EXOC6B: variants seen among roughly 807,000 people sequenced by gnomAD.
EXOC6B encodes SEC15 homolog B.
A neutral mutation model predicts 113.5 loss-of-function variants in EXOC6B; 54 were observed. That is an observed-to-expected ratio of 0.48 (90% CI 0.38 to 0.60). The LOEUF is 0.60. Ranked by LOEUF, EXOC6B falls within the 20% of genes least tolerant of loss-of-function variation. The pLI, the probability that EXOC6B is intolerant of heterozygous loss-of-function variation, is 0.00. For synonymous variants in EXOC6B, 357 were observed against 339.0 expected, an observed-to-expected ratio of 1.05 and a Z score of -0.58; for missense variants, 797 against 977.5, an observed-to-expected ratio of 0.82 and a Z score of 2.46.
chr2:72,597,651 A>C (rs1053809896), intron 6 of EXOC6B, among the ~76,000 whole-genome samples: 1 of 151,996 alleles, frequency 6.6e-6, no homozygotes, highest in African/African-American at 2.4e-5. Flanking sequence ...AGATGGAAAG[A>C]GTGGATAAAA....
intron 19 of EXOC6B, among the ~76,000 whole-genome samples, chr2:72,379,096 G>A (rs2105060366): frequency 6.6e-6 from 1 of 152,282 alleles, no homozygotes; most frequent in Non-Finnish European, 1.5e-5. Context: ...TGTCTTGAAT[G>A]TGGGTCTCTT....
chr2:72,631,612 C>T (rs762040424), intron 6 of EXOC6B, among the ~76,000 whole-genome samples: 4 of 151,600 alleles, frequency 2.6e-5, no homozygotes, highest in African/African-American at 7.3e-5. Context: ...TCCAGTGCTC[C>T]GCCTACCTCA....
In EXOC6B at chr2:72,686,994, C is replaced by T. The variant is rs368901049; in HGVS notation, c.669+31109G>A. On this transcript the variant is annotated intron_variant, in intron 6 of 21. Transcript: ENST00000272427. ...TCTACTAAAAAGACAAAAAATTAGC[C>T]GGGCGTGGTGGCGGGCGCCTGTAGT... 1.8e-4 allele frequency among the ~76,000 whole-genome samples: 27 copies of T among 151,952 alleles called. 2 individuals are homozygous for T. The highest frequency in any genetic ancestry group is 4.8e-4 in the African/African-American group (20 of 41,472).
intron 6 of EXOC6B, among the ~76,000 whole-genome samples, chr2:72,641,840 T>A (rs912994012): frequency 2.0e-5 from 3 of 152,104 alleles, no homozygotes; most frequent in African/African-American, 7.2e-5. Flanking sequence ...TACAGGAGGG[T>A]ACCCCTCTGG....
At position 72,575,552 on chromosome 2, in the gene EXOC6B, A is replaced by C. The variant is rs201028075; in HGVS notation, c.786T>G (p.Ser262Arg). Residue 262 changes from serine to arginine, a missense_variant, in exon 7 of 22, where the codon AGT (serine) becomes AGG (arginine). By Grantham distance (110) the Ser-to-Arg change is moderately radical (BLOSUM62 -1). Transcript: ENST00000272427. ...IIFDTEIESTSPKSEQDSGIL... is the reference protein window; with the variant it reads ...IIFDTEIESTRPKSEQDSGIL... Reference sequence around the variant, plus strand: ...TTCCTGAATCCTGTTCAGACTTCGGACTAGTACTTTCTATCTCTGTATCAA... The same window carrying C: ...TTCCTGAATCCTGTTCAGACTTCGGCCTAGTACTTTCTATCTCTGTATCAA... 4.9e-4 allele frequency: 782 copies of C among 1,611,842 alleles called. No individual in the cohort carries two copies. The highest frequency in any genetic ancestry group is 4.4e-4 in the Non-Finnish European group (516 of 1,179,104).
intron 6 of EXOC6B, among the ~76,000 whole-genome samples, chr2:72,606,018 A>G (rs1048924665): frequency 6.6e-6 from 1 of 152,196 alleles, no homozygotes; most frequent in Non-Finnish European, 1.5e-5. Flanking sequence ...ATACAAAGCT[A>G]TATTTACTAT....
At chr2:72,751,972 T>A (rs1176808724) in intron 1 of EXOC6B, among the ~76,000 whole-genome samples, 1 of 152,136 alleles carries the variant, frequency 6.6e-6, no homozygotes, top group Non-Finnish European at 1.5e-5. Flanking sequence ...CTTCTCTTCA[T>A]AGCTAAACTT....
chr2:72,809,252 T>C (rs1390152326), intron 1 of EXOC6B, among the ~76,000 whole-genome samples: 1 of 152,128 alleles, frequency 6.6e-6, no homozygotes, highest in African/African-American at 2.4e-5. Context: ...TAAATGTAAA[T>C]GGTTTAAATA....
At chr2:72,447,800 G>A (rs626469) in intron 18 of EXOC6B, among the ~76,000 whole-genome samples, 11,170 of 152,020 alleles carry the variant, frequency 0.073, 514 homozygotes, top group African/African-American at 0.13. Context: ...TGAATTGGGG[G>A]ATCCAATTAT....
intron 19 of EXOC6B, 40 bp downstream of exon 19, chr2:72,379,689 C>G (rs184026484): frequency 2.6e-6 from 4 of 1,546,418 alleles, no homozygotes; most frequent in Admixed American, 1.9e-5. Flanking sequence ...AATGAGTTTG[C>G]TGGTAAGATA....
chr2:72,591,962 A>G (rs1705997190), intron 6 of EXOC6B, among the ~76,000 whole-genome samples: 1 of 152,118 alleles, frequency 6.6e-6, no homozygotes, highest in Admixed American at 6.5e-5. Flanking sequence ...CCATGTATTG[A>G]AAGAATAGTT....
intron 8 of EXOC6B, among the ~76,000 whole-genome samples, chr2:72,522,361 C>A: frequency 6.6e-6 from 1 of 152,084 alleles, no homozygotes; most frequent in East Asian, 1.9e-4. Flanking sequence ...AATAATTAAT[C>A]CTATCACTGG....
intron 18 of EXOC6B, among the ~76,000 whole-genome samples, chr2:72,405,111 T>C (rs1043209665): frequency 1.3e-5 from 2 of 152,020 alleles, no homozygotes; most frequent in African/African-American, 2.4e-5. Flanking sequence ...GTATCAGTGA[T>C]GGAAGATGAA....
At chr2:72,805,328 T>C (rs1313136304) in intron 1 of EXOC6B, among the ~76,000 whole-genome samples, 1 of 152,212 alleles carries the variant, frequency 6.6e-6, no homozygotes, top group East Asian at 1.9e-4. Flanking sequence ...GATCATGTTG[T>C]CCAAAGCATG....
At chr2:72,616,200 C>T (rs1424516125) in intron 6 of EXOC6B, among the ~76,000 whole-genome samples, 1 of 151,994 alleles carries the variant, frequency 6.6e-6, no homozygotes, top group Admixed American at 6.6e-5. Context: ...GGACGTACTA[C>T]CCAAAGTGAC....
chr2:72,825,536 G>A lies in EXOC6B; in HGVS notation c.113+262C>T, dbSNP rs1025695932. Among the ~76,000 whole-genome samples the A allele has an allele frequency of 6.6e-6, 1 of 152,208 alleles. No individual in the cohort carries two copies. Among genetic ancestry groups the A allele is most frequent in the South Asian group, 2.1e-4 (1 of 4,830 alleles). ...GGCGCCCTCTCGTTCCCCAGCGCCG[G>A]ACCAGCCTCGGAGGGAGAACGAAGG... is the stretch of plus-strand genomic sequence containing the variant. On this transcript the variant is annotated intron_variant, in intron 1 of 21. Transcript: ENST00000272427. The surrounding 1 kb of genome is among the most constrained non-coding windows in gnomAD (Gnocchi z 4.4).
chr2:72,752,584 T>C (rs1682128644), intron 1 of EXOC6B, among the ~76,000 whole-genome samples: 1 of 148,232 alleles, frequency 6.7e-6, no homozygotes, highest in African/African-American at 2.5e-5. Context: ...TCCTTCCCTC[T>C]TCCCTCCCTC....
At chr2:72,263,695 A>G (rs577126594) in intron 20 of EXOC6B, among the ~76,000 whole-genome samples, 1 of 152,348 alleles carries the variant, frequency 6.6e-6, no homozygotes, top group African/African-American at 2.4e-5. Context: ...TGCATGGTAA[A>G]TCATAATGGC....
intron 6 of EXOC6B, among the ~76,000 whole-genome samples, chr2:72,697,959 C>T (rs918911325): frequency 1.3e-5 from 2 of 152,022 alleles, no homozygotes; most frequent in African/African-American, 4.8e-5. Flanking sequence ...ATATAAAGAC[C>T]GAATTTCTTA....
Sources: gnomAD v4.1 joint callset for allele counts (sites outside exome capture counted in the v4.1 genomes callset) on GRCh38, gnomAD v4.1.1 for gene constraint, Gnocchi (gnomAD v3.1) non-coding constraint, MANE v1.5 for transcripts, NCBI Gene and HGNC (gene_info 2026-07-23, HGNC 2026-07-21) for gene names.